DCAF6: variants seen among roughly 807,000 people sequenced by gnomAD.
The protein encoded by DCAF6 is DDB1- and CUL4-associated factor 6.
In DCAF6, 54 loss-of-function variants were observed where a neutral mutation model predicts 125.1. That is an observed-to-expected ratio of 0.43 (90% confidence interval 0.35 to 0.54). The LOEUF is 0.54. Among genes scored for constraint, DCAF6 ranks in the 20% least tolerant of loss-of-function variants. DCAF6 has a pLI of 0.01. For synonymous variants in DCAF6, 371 were observed against 390.4 expected, an observed-to-expected ratio of 0.95 and a Z score of 0.58; for missense variants, 934 against 1,161.7, an observed-to-expected ratio of 0.80 and a Z score of 2.85.
At position 167,991,292 on chromosome 1, in the gene DCAF6, G is replaced by T; in HGVS notation, c.641G>T (p.Ser214Ile). Residue 214 changes from serine to isoleucine, a missense_variant, in exon 6 of 22, where the codon AGC becomes ATC. Transcript: ENST00000367840. The stretch of plus-strand genomic sequence containing the variant: ...TACCTTGCTGTTGGTTGTTCTGACA[G>T]CTCAGTACGAATATATGATCGGCGA... ...PYYLAVGCSD[S>I]SVRIYDRRML... 1 of 1,613,602 alleles carries T rather than the reference G, an allele frequency of 6.2e-7. No individual in the cohort carries two copies. The highest frequency in any genetic ancestry group is 8.5e-7 in the Non-Finnish European group (1 of 1,179,840).
At chr1:168,070,236 C>CA (rs766560918) in intron 21 of DCAF6, among the ~76,000 whole-genome samples, 3 of 151,940 alleles carry the variant, frequency 2.0e-5, no homozygotes, top group Non-Finnish European at 4.4e-5. Flanking sequence ...TTCTCTTATA[C>CA]AAAATACTAG....
At chr1:167,980,835 G>A (rs1240118181) in intron 4 of DCAF6, among the ~76,000 whole-genome samples, 4 of 151,382 alleles carry the variant, frequency 2.6e-5, no homozygotes, top group Non-Finnish European at 4.4e-5. Context: ...TGTCTGTTAT[G>A]GCTTTGTTAA....
the DCAF6 span, among the ~76,000 whole-genome samples, chr1:167,909,002 A>G: frequency 3.3e-5 from 5 of 152,222 alleles, no homozygotes; most frequent in Non-Finnish European, 7.3e-5. Context: ...TGTAATACCC[A>G]TTCATAGCAA....
At chr1:167,993,468 G>C in intron 7 of DCAF6, 28 bp downstream of exon 7, 1 of 1,596,162 alleles carries the variant, frequency 6.3e-7, no homozygotes, top group Non-Finnish European at 8.6e-7. Context: ...CATGTCCTTT[G>C]GCCGGGCGCG....
chr1:167,878,475 C>G, the DCAF6 span: 1 of 1,614,114 alleles, frequency 6.2e-7, no homozygotes, highest in Non-Finnish European at 8.5e-7. Context: ...AATACTGATA[C>G]AATGGTCCAG....
intron 6 of DCAF6, among the ~76,000 whole-genome samples, chr1:167,992,018 T>C (rs1035788114): frequency 7.9e-5 from 12 of 152,080 alleles, no homozygotes; most frequent in Admixed American, 3.9e-4. Flanking sequence ...AAGAAAACAA[T>C]GGTAAATGTG....
At chr1:167,904,955 G>T in the DCAF6 span, 1 of 1,614,092 alleles carries the variant, frequency 6.2e-7, no homozygotes, top group Non-Finnish European at 8.5e-7. Context: ...CGAGCCTGTT[G>T]CTCATCCACA....
In DCAF6 at chr1:168,039,224, A is replaced by T. The variant is rs1254721685; in HGVS notation, c.1727+736A>T. 3.3e-5 allele frequency among the ~76,000 whole-genome samples: 5 copies of T among 152,068 alleles called. No homozygotes were observed. The East Asian group carries it at 9.6e-4, about 29-fold the overall frequency. On this transcript the variant is annotated intron_variant, in intron 13 of 21. Coordinates refer to ENST00000367840, the MANE Select transcript of DCAF6 (RefSeq NM_001198956.2). ...ATTATTTCCAAAAGAATCTTTACTT[A>T]CTATAGTCCTACTAGACACATGTAG...
chr1:168,049,471 A>G (rs1313044113), intron 16 of DCAF6, among the ~76,000 whole-genome samples: 1 of 122,606 alleles, frequency 8.2e-6, no homozygotes, highest in Non-Finnish European at 1.6e-5. Flanking sequence ...CAGTCTCACT[A>G]TGTTGACCAG....
Position 168,045,168 on chromosome 1 carries a change from C to A in DCAF6, c.2199C>A (p.Asp733Glu). Residue 733 changes from aspartate (D) to glutamate (E), a missense_variant, in exon 16 of 22, where the codon GAC becomes GAA. This residue lies in a region of DCAF6 where 559 missense variants were observed against 635.5 expected (regional missense o/e 0.88). Transcript: ENST00000367840. The part of the protein sequence containing the change: ...TRDSALQDTD[D>E]SDDDPVLIPG... ...ACTCTGCTCTTCAGGACACAGATGA[C>A]AGTGATGATGACCCAGTCCTGATCC... 1 of 1,613,942 alleles carries A rather than the reference C, an allele frequency of 6.2e-7. No homozygotes were observed. The highest frequency in any genetic ancestry group is 8.5e-7 in the Non-Finnish European group (1 of 1,179,912).
At chr1:167,916,301 G>C in the DCAF6 span, among the ~76,000 whole-genome samples, 1 of 152,188 alleles carries the variant, frequency 6.6e-6, no homozygotes, top group Non-Finnish European at 1.5e-5. Flanking sequence ...CCGCCTCCTG[G>C]GTTGAAGTGA....
intron 4 of DCAF6, among the ~76,000 whole-genome samples, chr1:167,981,731 A>ATAGT (rs1679189905): frequency 6.6e-6 from 1 of 152,254 alleles, no homozygotes; most frequent in African/African-American, 2.4e-5. Flanking sequence ...TTGTGGCTGC[A>ATAGT]TAGTGTTCCA....
chr1:167,931,975 G>A (rs1238687198), upstream of DCAF6, among the ~76,000 whole-genome samples: 1 of 152,048 alleles, frequency 6.6e-6, no homozygotes, highest in Non-Finnish European at 1.5e-5. Context: ...GTCTTCAGAG[G>A]GAACCCATGT....
intron 4 of DCAF6, among the ~76,000 whole-genome samples, chr1:167,976,799 T>G (rs559441961): frequency 6.6e-6 from 1 of 152,100 alleles, no homozygotes; most frequent in African/African-American, 2.4e-5. Flanking sequence ...CCTGCATATT[T>G]ACTAATACCT....
intron 21 of DCAF6, among the ~76,000 whole-genome samples, chr1:168,069,079 T>A (rs1692724886): frequency 6.6e-6 from 1 of 152,170 alleles, no homozygotes; most frequent in African/African-American, 2.4e-5. Context: ...TAATAATAGG[T>A]ACCATTTATA....
chr1:168,063,535 A>G, intron 17 of DCAF6, 86 bp from the exon 18 acceptor site: 1 of 1,185,756 alleles, frequency 8.4e-7, no homozygotes, highest in Non-Finnish European at 1.1e-6. Flanking sequence ...TGTATTTCCT[A>G]GACTTACTAT....
the DCAF6 span, among the ~76,000 whole-genome samples, chr1:167,925,486 TAC>T: frequency 5.2e-5 from 7 of 134,620 alleles, no homozygotes; most frequent in Middle Eastern, 3.8e-3. Flanking sequence ...CATATACATA[TAC>T]ACACACATAT....
chr1:168,003,936 A>T lies in DCAF6; in HGVS notation c.1064A>T (p.Glu355Val), dbSNP rs1280955662. The T allele has an allele frequency of 6.2e-7, 1 of 1,612,316 alleles. No individual in the cohort carries two copies. The highest frequency in any genetic ancestry group is 8.5e-7 in the Non-Finnish European group (1 of 1,179,322). The change falls in exon 9 of 22, where the codon GAA becomes GTA. Residue 355 changes from glutamate to valine, a missense_variant. By Grantham distance (121) the Glu-to-Val change is moderately radical (BLOSUM62 -2). Transcript: ENST00000367840. ...MSDMLSRWFE[E>V]ASEVAQSNRG... ...GATATGTTATCAAGATGGTTTGAAG[A>T]AGCAAGTGAGGTTGCACAAAGCAAT...
At chr1:167,940,395 G>A (rs1323098666) in intron 1 of DCAF6, among the ~76,000 whole-genome samples, 1 of 152,094 alleles carries the variant, frequency 6.6e-6, no homozygotes, top group Non-Finnish European at 1.5e-5. Context: ...GGGGCAGGGT[G>A]AGGCAGGGTT....
Sources: allele counts gnomAD v4.1 joint callset (sites outside exome capture counted in the v4.1 genomes callset), GRCh38; gene constraint gnomAD v4.1.1; regional missense constraint gnomAD v4.1.1; transcripts MANE v1.5; gene names NCBI Gene and HGNC (gene_info 2026-07-23, HGNC 2026-07-21).